The following CTNNA3 variants were observed in gnomAD, a reference collection of about 807,000 sequenced individuals.
CTNNA3 encodes the protein catenin alpha 3, also known as catenin alpha-3.
Under a neutral mutation model 95.7 loss-of-function variants are expected in CTNNA3, and 76 were observed. That is an observed-to-expected ratio of 0.79 (90% CI 0.66 to 0.96). The LOEUF is 0.96. Among genes scored for constraint, CTNNA3 ranks in the 40% least tolerant of loss-of-function variants. The pLI, the probability that CTNNA3 is intolerant of heterozygous loss-of-function variation, is 0.00. For synonymous variants in CTNNA3, 431 were observed against 374.4 expected, an observed-to-expected ratio of 1.15 and a Z score of -1.74; for missense variants, 1,191 against 1,089.8, an observed-to-expected ratio of 1.09 and a Z score of -1.31.
intron 7 of CTNNA3, among the ~76,000 whole-genome samples, chr10:67,145,391 T>C (rs1860790314): frequency 6.6e-6 from 1 of 151,918 alleles, no homozygotes; most frequent in Non-Finnish European, 1.5e-5. Context: ...GAAACCTTGG[T>C]AATAAAGGAA....
At chr10:66,938,682 A>T (rs1324361456) in intron 7 of CTNNA3, among the ~76,000 whole-genome samples, 3 of 152,132 alleles carry the variant, frequency 2.0e-5, no homozygotes, top group Admixed American at 2.0e-4. Flanking sequence ...TTCTTAGGAA[A>T]ATACAGTTTT....
At chr10:66,546,336 G>T (rs1842033602) in intron 10 of CTNNA3, among the ~76,000 whole-genome samples, 1 of 152,058 alleles carries the variant, frequency 6.6e-6, no homozygotes, top group Non-Finnish European at 1.5e-5. Context: ...TTACTGAAAA[G>T]AATATATTTT....
intron 16 of CTNNA3, among the ~76,000 whole-genome samples, chr10:65,986,790 C>T (rs1032208001): frequency 2.0e-5 from 3 of 151,312 alleles, no homozygotes; most frequent in African/African-American, 7.3e-5. Context: ...GGAAACATCA[C>T]ACGACCTGGC....
At position 67,581,155 on chromosome 10, in the gene CTNNA3, T is replaced by G. The variant is rs1311885605; in HGVS notation, c.292+25702A>C. 6.6e-5 allele frequency among the ~76,000 whole-genome samples: 10 copies of G among 152,240 alleles called. 1 individual carries two copies. The highest frequency in any genetic ancestry group is 6.5e-4 in the Admixed American group (10 of 15,272). ...TTGTGCTCGTTTTCAAAGGGAATGC[T>G]TCCGGTTTTCGCCCATTCAGTATGA... On this transcript the variant is annotated intron_variant, in intron 3 of 17. Transcript: ENST00000433211.
At chr10:66,165,742 T>G (rs2131817848) in intron 13 of CTNNA3, among the ~76,000 whole-genome samples, 1 of 151,916 alleles carries the variant, frequency 6.6e-6, no homozygotes, top group Non-Finnish European at 1.5e-5. Flanking sequence ...ACCTTCAATA[T>G]ACACAATACA....
chr10:66,902,011 C>T (rs1013144622), intron 7 of CTNNA3, among the ~76,000 whole-genome samples: 1 of 152,212 alleles, frequency 6.6e-6, no homozygotes, highest in Non-Finnish European at 1.5e-5. Flanking sequence ...TTGAACTCAG[C>T]TCTGTACCCC....
intron 5 of CTNNA3, among the ~76,000 whole-genome samples, chr10:67,367,357 C>T (rs1843253815): frequency 6.6e-6 from 1 of 151,868 alleles, no homozygotes; most frequent in Non-Finnish European, 1.5e-5. Flanking sequence ...TTAATCAAAA[C>T]TATGAGATCC....
intron 1 of CTNNA3, among the ~76,000 whole-genome samples, chr10:67,729,439 C>A (rs1390708793): frequency 6.6e-6 from 1 of 152,032 alleles, no homozygotes; most frequent in Non-Finnish European, 1.5e-5. Context: ...TTCTAAACAT[C>A]CCAAAACAAA....
intron 13 of CTNNA3, among the ~76,000 whole-genome samples, chr10:66,158,503 C>T (rs1313530077): frequency 2.0e-5 from 3 of 152,014 alleles, no homozygotes; most frequent in African/African-American, 7.2e-5. Context: ...TTCCATTGGC[C>T]TATGTGCCTA....
At chr10:67,647,650 G>A in intron 1 of CTNNA3, 132 bp from the exon 2 acceptor site, 1 of 620,154 alleles carries the variant, frequency 1.6e-6, no homozygotes, top group Non-Finnish European at 2.7e-6. Flanking sequence ...GCCCTCAGAG[G>A]ACCAGGCTAC....
chr10:66,866,632 A>C (rs1844189744), intron 7 of CTNNA3, among the ~76,000 whole-genome samples: 1 of 152,206 alleles, frequency 6.6e-6, no homozygotes. Flanking sequence ...ATCTACCAAG[A>C]ACTCACACTG....
chr10:66,130,876 AAAAAG>A (rs2083062326), intron 13 of CTNNA3, among the ~76,000 whole-genome samples: 1 of 151,492 alleles, frequency 6.6e-6, no homozygotes, highest in African/African-American at 2.4e-5. Flanking sequence ...AAAAAAAAAA[AAAAAG>A]AAAGAAATAC....
chr10:66,682,715 G>A (rs539006112), intron 9 of CTNNA3, among the ~76,000 whole-genome samples: 2 of 151,356 alleles, frequency 1.3e-5, no homozygotes, highest in Admixed American at 6.6e-5. Context: ...ACATGTACAG[G>A]TTTGTTATAT....
At chr10:67,003,209 C>T (rs1481405542) in intron 7 of CTNNA3, among the ~76,000 whole-genome samples, 1 of 152,140 alleles carries the variant, frequency 6.6e-6, no homozygotes. Context: ...AGGCACAGTG[C>T]CTATGCTTAT....
At chr10:66,944,382 A>G (rs987626282) in intron 7 of CTNNA3, among the ~76,000 whole-genome samples, 1 of 152,044 alleles carries the variant, frequency 6.6e-6, no homozygotes, top group African/African-American at 2.4e-5. Context: ...TTCACACTCC[A>G]TCTCTAATTC....
intron 13 of CTNNA3, among the ~76,000 whole-genome samples, chr10:66,123,473 C>G (rs1488723857): frequency 6.6e-6 from 1 of 152,106 alleles, no homozygotes; most frequent in African/African-American, 2.4e-5. Flanking sequence ...TTTCTAGGCA[C>G]AGGGTGTAAA....
At chr10:67,585,023 GCGATGCCC>G (rs1842577640) in intron 3 of CTNNA3, among the ~76,000 whole-genome samples, 1 of 152,216 alleles carries the variant, frequency 6.6e-6, no homozygotes, top group Admixed American at 6.5e-5. Context: ...CCTGGGTTAG[GCGATGCCC>G]CGCCCTGCTT....
At chr10:65,968,479 CTT>C (rs2078024336) in intron 16 of CTNNA3, among the ~76,000 whole-genome samples, 1 of 152,196 alleles carries the variant, frequency 6.6e-6, no homozygotes, top group Non-Finnish European at 1.5e-5. Context: ...TCAGGACTCT[CTT>C]TGCTCCATAC....
chr10:66,759,906 G>C (rs1662610615), intron 9 of CTNNA3, among the ~76,000 whole-genome samples: 2 of 152,076 alleles, frequency 1.3e-5, no homozygotes, highest in African/African-American at 4.8e-5. Context: ...TACCTGTTTA[G>C]TTTTTTACTC....
Sources: gnomAD v4.1 joint callset for allele counts (sites outside exome capture counted in the v4.1 genomes callset) on GRCh38, gnomAD v4.1.1 for gene constraint, MANE v1.5 for transcripts, NCBI Gene and HGNC (gene_info 2026-07-23, HGNC 2026-07-21) for gene names.